Variants in SFXN1 observed in about 807,000 individuals in gnomAD.
SFXN1 encodes sideroflexin 1.
A neutral mutation model predicts 39.5 loss-of-function variants in SFXN1; 32 were observed. The ratio of observed to expected loss-of-function variants is 0.81; its 90% CI spans 0.61 to 1.09. The LOEUF (loss-of-function observed/expected upper bound fraction) is 1.09. Ranked by LOEUF, SFXN1 falls within the 50% of genes least tolerant of loss-of-function variation. The pLI is 0.00. For missense variants in SFXN1, 402 were observed against 407.1 expected, an observed-to-expected ratio of 0.99 and a Z score of 0.11; for synonymous variants, 136 against 146.5, an observed-to-expected ratio of 0.93 and a Z score of 0.52.
intron 1 of SFXN1, among the ~76,000 whole-genome samples, chr5:175,482,810 A>G (rs2113252539): frequency 6.6e-6 from 1 of 152,326 alleles, no homozygotes; most frequent in South Asian, 2.1e-4. Flanking sequence ...CAGGACTGAA[A>G]TCTAGATTAT....
rs750298803 is a variant in SFXN1 at position 175,492,278 on chromosome 5, T to A, written c.164+11T>A. On this transcript the variant is annotated intron_variant, in intron 2 of 10. Coordinates refer to ENST00000321442, the MANE Select transcript of SFXN1 (RefSeq NM_022754.7). ...AGTACATGATTACAGGTAACATTAA[T>A]TATTGTTTTTTGGTTTAATGTATAA... The A allele has an allele frequency of 2.5e-6, 4 of 1,597,356 alleles. No homozygotes were observed. The highest frequency in any genetic ancestry group is 3.4e-6 in the Non-Finnish European group (4 of 1,173,448).
At chr5:175,515,806 T>C (rs1403693603) in intron 7 of SFXN1, among the ~76,000 whole-genome samples, 1 of 152,208 alleles carries the variant, frequency 6.6e-6, no homozygotes, top group African/African-American at 2.4e-5. Flanking sequence ...TTGTGTACTT[T>C]AGTTCTATTA....
intron 4 of SFXN1, 95 bp downstream of exon 4, chr5:175,510,302 T>C (rs1173614905): frequency 1.0e-6 from 1 of 962,646 alleles, no homozygotes; most frequent in Non-Finnish European, 1.6e-6. Context: ...TATGTGTGCA[T>C]ATTTTTATAT....
chr5:175,526,957 C>A lies in SFXN1; in HGVS notation c.*223C>A. 1.8e-6 allele frequency: 1 copy of A among 541,180 alleles called. No individual in the cohort carries two copies. Among genetic ancestry groups the A allele is most frequent in the Admixed American group, 3.5e-5 (1 of 28,354 alleles). 33.5% of individuals were successfully genotyped at this position (541,180 alleles called of 1,614,324 possible). ...ATCATGTTATGATTTATAGAAATAC[C>A]TTTCCTGTAGCTTTTATAGTCATTG... On this transcript the variant is annotated 3_prime_UTR_variant, in exon 11 of 11. Coordinates refer to ENST00000321442, the MANE Select transcript of SFXN1 (RefSeq NM_022754.7).
chr5:175,482,417 C>T (rs1022079077), intron 1 of SFXN1, among the ~76,000 whole-genome samples: 7 of 152,080 alleles, frequency 4.6e-5, no homozygotes, highest in African/African-American at 1.7e-4. Context: ...CTTTTTTTCT[C>T]CAGCAGTTAA....
Position 175,528,752 on chromosome 5 carries a change from A to G in SFXN1, c.*2018A>G, listed in dbSNP as rs557935475. On this transcript the variant is annotated 3_prime_UTR_variant, in exon 11 of 11. Transcript: ENST00000321442. ...CCATTGGAAGCAAAACGGTTTTCCCATGACATTCTGGCCTTGGACAGATTC... is the reference window on the plus strand; with the variant it reads ...CCATTGGAAGCAAAACGGTTTTCCCGTGACATTCTGGCCTTGGACAGATTC... 1 of 152,180 alleles carries G rather than the reference A, an allele frequency of 6.6e-6. No homozygotes were observed. Among genetic ancestry groups the G allele is most frequent in the Admixed American group, 6.5e-5 (1 of 15,278 alleles). 9.4% of individuals were successfully genotyped at this position (152,180 alleles called of 1,614,324 possible). A position where few individuals can be genotyped will look rare whatever the true frequency, so the allele number is the denominator to read the frequency against.
Position 175,528,029 on chromosome 5 carries a change from C to T in SFXN1, c.*1295C>T, listed in dbSNP as rs1014511055. 4 of 150,720 alleles carry T rather than the reference C, an allele frequency of 2.7e-5. No individual in the cohort carries two copies. Among genetic ancestry groups the T allele is most frequent in the African/African-American group, 9.8e-5 (4 of 40,718 alleles). 9.3% of individuals were successfully genotyped at this position (150,720 alleles called of 1,614,324 possible). A position where few individuals can be genotyped will look rare whatever the true frequency, so the allele number is the denominator to read the frequency against. On this transcript the variant is annotated 3_prime_UTR_variant, in exon 11 of 11. Transcript: ENST00000321442. ...CCGCCTCCCGGGTTCACGCCGTTCT[C>T]CTGCCTCAGCCTCTCTGAGAAGCTG... is the stretch of plus-strand genomic sequence containing the variant.
intron 1 of SFXN1, among the ~76,000 whole-genome samples, chr5:175,489,827 G>A (rs1401586098): frequency 6.6e-6 from 1 of 152,140 alleles, no homozygotes; most frequent in Admixed American, 6.5e-5. Flanking sequence ...TCATGCTGAT[G>A]GGCACCAAGC....
intron 2 of SFXN1, among the ~76,000 whole-genome samples, chr5:175,495,475 T>C (rs1024694299): frequency 1.3e-5 from 2 of 152,154 alleles, no homozygotes; most frequent in Admixed American, 1.3e-4. Context: ...ATGCCTGTAA[T>C]CCCAGCACTT....
intron 8 of SFXN1, 156 bp from the exon 9 acceptor site, chr5:175,521,763 G>T (rs1249353894): frequency 1.8e-6 from 1 of 567,214 alleles, no homozygotes; most frequent in African/African-American, 1.8e-5. Flanking sequence ...AGGAAGTTAG[G>T]CTAACACCCT....
chr5:175,488,590 C>T (rs989111835), intron 1 of SFXN1, among the ~76,000 whole-genome samples: 3 of 152,142 alleles, frequency 2.0e-5, no homozygotes, highest in Non-Finnish European at 4.4e-5. Context: ...TGAGCCACCA[C>T]GCCCGGCCGA....
intron 2 of SFXN1, among the ~76,000 whole-genome samples, chr5:175,506,807 C>T (rs1760319724): frequency 2.0e-5 from 3 of 152,126 alleles, no homozygotes; most frequent in African/African-American, 7.2e-5. Flanking sequence ...GCTGGGATTA[C>T]AGTTGCCTGA....
chr5:175,509,300 A>G (rs1760429067), intron 3 of SFXN1, 98 bp downstream of exon 3: 2 of 1,252,326 alleles, frequency 1.6e-6, no homozygotes, highest in Non-Finnish European at 2.2e-6. Flanking sequence ...GTATTATTTC[A>G]TAAGTATATG....
rs138444425 is a variant in SFXN1, at chr5:175,494,470, G to A, written c.164+2203G>A. On this transcript the variant is annotated intron_variant, in intron 2 of 10. Coordinates refer to ENST00000321442, the MANE Select transcript of SFXN1 (RefSeq NM_022754.7). Reference sequence around the variant, plus strand: ...CAACAGAAAATATGCAAGTGCAGCCGGGCACAGTGATTCATGCCTATAATC... The same window carrying A: ...CAACAGAAAATATGCAAGTGCAGCCAGGCACAGTGATTCATGCCTATAATC... Among the ~76,000 whole-genome samples, 51 of 152,232 alleles carry A rather than the reference G, an allele frequency of 3.4e-4. 1 individual carries two copies. In the East Asian group the frequency reaches 9.3e-3, roughly 28 times the overall value.
Position 175,526,903 on chromosome 5 carries a change from G to A in SFXN1, c.*169G>A, listed in dbSNP as rs749635195. On this transcript the variant is annotated 3_prime_UTR_variant, in exon 11 of 11. Coordinates refer to ENST00000321442, the MANE Select transcript of SFXN1 (RefSeq NM_022754.7). ...TACTTTAACAGAGCACCTGGCGTGG[G>A]CCAAGTGCCTGATACTCCCTTACAC... is the stretch of plus-strand genomic sequence containing the variant. 1.3e-5 allele frequency: 8 copies of A among 620,482 alleles called. No individual in the cohort carries two copies. The highest frequency in any genetic ancestry group is 2.3e-5 in the Non-Finnish European group (8 of 349,116). The allele number at this position is 620,482 out of a possible 1,614,324, so 38.4% of individuals were successfully genotyped here.
chr5:175,508,058 C>A (rs1227173742), intron 2 of SFXN1, among the ~76,000 whole-genome samples: 1 of 151,178 alleles, frequency 6.6e-6, no homozygotes, highest in Non-Finnish European at 1.5e-5. Context: ...ATTACCATAA[C>A]TTTTGTCTAA....
At chr5:175,496,845 T>C (rs1393720392) in intron 2 of SFXN1, among the ~76,000 whole-genome samples, 2 of 152,106 alleles carry the variant, frequency 1.3e-5, no homozygotes, top group Non-Finnish European at 2.9e-5. Flanking sequence ...CCTAGGCCTG[T>C]TCCAAATTAG....
rs1760972367 is a variant in SFXN1 at position 175,524,120 on chromosome 5, AAAAAAAT to A, written c.872+1700_872+1706del. On this transcript the variant is annotated intron_variant, in intron 10 of 10. Coordinates refer to ENST00000321442, the MANE Select transcript of SFXN1 (RefSeq NM_022754.7). ...TTCTGTCTCAAAAAAAAAAAAAAAA[AAAAAAAT>A]ATATATATATATATATATATATATA... 2.4e-4 allele frequency: 9 copies of A among 38,046 alleles called. No individual in the cohort carries two copies. The East Asian group carries it at 3.2e-3, about 14-fold the overall frequency. 2.4% of individuals were successfully genotyped at this position (38,046 alleles called of 1,614,324 possible).
At position 175,492,087 on chromosome 5, in the gene SFXN1, C is replaced by G. The variant is rs752037043; in HGVS notation, c.-9-8C>G. 2.5e-6 allele frequency: 4 copies of G among 1,594,924 alleles called. No homozygotes were observed. Among genetic ancestry groups the G allele is most frequent in the South Asian group, 1.1e-5 (1 of 87,480 alleles). On this transcript the variant is annotated splice_region_variant and splice_polypyrimidine_tract_variant and intron_variant, in intron 1 of 10. Coordinates refer to ENST00000321442, the MANE Select transcript of SFXN1 (RefSeq NM_022754.7). The stretch of plus-strand genomic sequence containing the variant: ...CTTACACGAACTTGCCTTTTTGACT[C>G]TTTGCAGTCCGGGACCATGTCTGGA...
Sources: allele counts gnomAD v4.1 joint callset (sites outside exome capture counted in the v4.1 genomes callset), GRCh38; gene constraint gnomAD v4.1.1; transcripts MANE v1.5; gene names NCBI Gene and HGNC (gene_info 2026-07-23, HGNC 2026-07-21).